Variants in UGT2B11 observed in about 807,000 individuals in gnomAD.
UGT2B11 encodes the protein UDP glucuronosyltransferase family 2 member B11.
Under a neutral mutation model 51.7 loss-of-function variants are expected in UGT2B11, and 49 were observed. The ratio of observed to expected loss-of-function variants is 0.95; its 90% CI spans 0.75 to 1.20. The LOEUF is 1.20. UGT2B11 is among the 50% of genes most tolerant of loss of function. The pLI is 0.00. For missense variants in UGT2B11, 810 were observed against 622.1 expected (o/e 1.30, Z -3.21); for synonymous variants, 273 against 209.0 (o/e 1.31, Z -2.64).
In UGT2B11 at chr4:69,205,474, T is replaced by A. The variant is rs756809926; in HGVS notation, c.1090+6A>T. 8.9e-5 allele frequency: 143 copies of A among 1,609,282 alleles called. 1 individual carries two copies. In the East Asian group the frequency reaches 3.1e-3, roughly 35 times the overall value. ...TATATCCAGTATTTGTTCACCAGAG[T>A]GTTACCTAGAAGGTCATTCTGGGGT... On this transcript the variant is annotated splice_donor_region_variant and intron_variant, in intron 4 of 5. Transcript: ENST00000446444.
chr4:69,212,854 T>TTATTC, intron 1 of UGT2B11, 133 bp from the exon 2 acceptor site: 6 of 760,794 alleles, frequency 7.9e-6, no homozygotes, highest in Non-Finnish European at 1.0e-5. Flanking sequence ...TATAAATATA[T>TTATTC]ATGAATAATA....
At chr4:69,216,355 C>T (rs1285423688), upstream of UGT2B11, 1 of 151,942 alleles carries the variant, frequency 6.6e-6, no homozygotes, top group Non-Finnish European at 1.5e-5. Flanking sequence ...CTTATATGTC[C>T]ACATCTTGAT....
chr4:69,209,947 A>T (rs1372399589), intron 2 of UGT2B11, among the ~76,000 whole-genome samples: 2 of 151,688 alleles, frequency 1.3e-5, no homozygotes, highest in South Asian at 2.1e-4. Flanking sequence ...TTAAAAAATA[A>T]TTTTTCTAAA....
At chr4:69,224,082 T>C in the UGT2B11 span, among the ~76,000 whole-genome samples, 3 of 152,156 alleles carry the variant, frequency 2.0e-5, no homozygotes, top group African/African-American at 4.8e-5. Flanking sequence ...CGGAAACACA[T>C]GCCTGATCCT....
At chr4:69,211,989 T>A (rs553109723) in intron 2 of UGT2B11, among the ~76,000 whole-genome samples, 13 of 151,656 alleles carry the variant, frequency 8.6e-5, no homozygotes, top group African/African-American at 3.1e-4. Context: ...GACCACTTTA[T>A]CTGCTTTCCC....
upstream of UGT2B11, among the ~76,000 whole-genome samples, chr4:69,218,240 T>A (rs534219451): frequency 6.6e-6 from 1 of 152,184 alleles, no homozygotes; most frequent in East Asian, 1.9e-4. Flanking sequence ...TGATAATATG[T>A]ACCAAGAGAG....
Position 69,200,463 on chromosome 4 carries a change from C to G in UGT2B11, c.1567G>C (p.Gly523Arg). ...LFCFWKFARK[G>R]KKGKRD ...AACTAATCTCTTTTTCCCTTCTTCC[C>G]TTTTCTAGCAAACTTCCAGAAACAA... The change falls in exon 6 of 6, where the codon GGG becomes CGG. Residue 523 changes from glycine to arginine, a missense_variant. Coordinates refer to ENST00000446444, the MANE Select transcript of UGT2B11 (RefSeq NM_001073.3). The G allele has an allele frequency of 6.2e-7, 1 of 1,611,514 alleles. No individual in the cohort carries two copies. The highest frequency in any genetic ancestry group is 2.2e-5 in the East Asian group (1 of 44,658).
the UGT2B11 span, among the ~76,000 whole-genome samples, chr4:69,221,204 T>C: frequency 6.6e-6 from 1 of 152,212 alleles, no homozygotes; most frequent in Non-Finnish European, 1.5e-5. Flanking sequence ...AAAAATGCCT[T>C]AAGGTAGACA....
chr4:69,204,988 G>T (rs531172806), intron 4 of UGT2B11, among the ~76,000 whole-genome samples: 2 of 151,776 alleles, frequency 1.3e-5, no homozygotes, highest in East Asian at 3.9e-4. Flanking sequence ...GATATGCGGG[G>T]TATGCAAGGC....
chr4:69,204,091 T>C (rs1437200623), intron 5 of UGT2B11, among the ~76,000 whole-genome samples: 5 of 151,620 alleles, frequency 3.3e-5, no homozygotes, highest in Admixed American at 6.6e-5. Context: ...TTTAGATATT[T>C]AATTAAAACA....
intron 2 of UGT2B11, among the ~76,000 whole-genome samples, chr4:69,209,435 G>C (rs13134572): frequency 0.013 from 1,947 of 151,742 alleles, 36 homozygotes; most frequent in African/African-American, 0.044. Context: ...ACATTACACT[G>C]CTGGTGAAGA....
At chr4:69,222,148 G>C in the UGT2B11 span, among the ~76,000 whole-genome samples, 32 of 152,384 alleles carry the variant, frequency 2.1e-4, 1 homozygote, top group East Asian at 5.2e-3. Flanking sequence ...CTTGGTCCCT[G>C]TTATAGAACA....
At chr4:69,223,100 G>C in the UGT2B11 span, among the ~76,000 whole-genome samples, 1 of 152,180 alleles carries the variant, frequency 6.6e-6, no homozygotes, top group Admixed American at 6.5e-5. Context: ...TTACAGAAAA[G>C]ATCTAGTTGT....
upstream of UGT2B11, chr4:69,216,498 T>C (rs1464539503): frequency 1.3e-5 from 2 of 151,704 alleles, no homozygotes; most frequent in African/African-American, 4.8e-5. Context: ...CATGGTGTTC[T>C]GAGCAAGTTC....
rs571847976 is a variant in UGT2B11, at chr4:69,214,542, A to T, written c.181T>A (p.Ser61Thr). Residue 61 changes from serine (S) to threonine (T), a missense_variant, in exon 1 of 6, where the codon TCC (serine) becomes ACC (threonine). Physicochemically the swap from Ser to Thr is moderately conservative, Grantham distance 58 (BLOSUM62 1). Transcript: ENST00000446444. ...GCATCATTGGGATCAAAAAGAATGG[A>T]AGCTGAAGATGCCAGTACAGTCACC... ...HEVTVLASSA[S>T]ILFDPNDAST... 3 of 1,613,262 alleles carry T rather than the reference A, an allele frequency of 1.9e-6. No homozygotes were observed. The highest frequency in any genetic ancestry group is 2.5e-6 in the Non-Finnish European group (3 of 1,179,518).
At chr4:69,218,017 T>G (rs1722318361), upstream of UGT2B11, among the ~76,000 whole-genome samples, 1 of 152,174 alleles carries the variant, frequency 6.6e-6, no homozygotes, top group Non-Finnish European at 1.5e-5. Flanking sequence ...TTCTGTCTGC[T>G]AATACAGTCA....
chr4:69,207,037 A>G (rs1461656544), intron 3 of UGT2B11, among the ~76,000 whole-genome samples: 1 of 151,598 alleles, frequency 6.6e-6, no homozygotes, highest in East Asian at 1.9e-4. Flanking sequence ...TTTGACACAA[A>G]TTCAGAATAT....
chr4:69,222,551 G>C, the UGT2B11 span, among the ~76,000 whole-genome samples: 3 of 152,162 alleles, frequency 2.0e-5, no homozygotes, highest in African/African-American at 4.8e-5. Flanking sequence ...CACTCCTCCA[G>C]GGTCATTCAA....
At chr4:69,210,546 G>A (rs923468319) in intron 2 of UGT2B11, among the ~76,000 whole-genome samples, 5 of 151,510 alleles carry the variant, frequency 3.3e-5, no homozygotes, top group African/African-American at 4.8e-5. Flanking sequence ...ACAAGACCTA[G>A]TATTAGTAAT....
Sources: gnomAD v4.1 joint callset for allele counts (sites outside exome capture counted in the v4.1 genomes callset) on GRCh38, gnomAD v4.1.1 for gene constraint, MANE v1.5 for transcripts, NCBI Gene and HGNC (gene_info 2026-07-23, HGNC 2026-07-21) for gene names.